RELL2: variants seen among roughly 807,000 people sequenced by gnomAD.
The protein encoded by RELL2 is RELT like 2, also known as RELT-like protein 2.
In RELL2, 18 loss-of-function variants were observed where a neutral mutation model predicts 27.5. The ratio of observed to expected loss-of-function variants is 0.65; its 90% confidence interval spans 0.45 to 0.97. RELL2 has a LOEUF of 0.97. RELL2 is among the 50% of genes least tolerant of loss of function. RELL2 has a pLI of 0.00. For synonymous variants in RELL2, 156 were observed against 147.5 expected, an observed-to-expected ratio of 1.06 and a Z score of -0.42; for missense variants, 370 against 397.5, an observed-to-expected ratio of 0.93 and a Z score of 0.59.
rs1261782704 is a variant in RELL2, at chr5:141,640,807, C to T, written c.*138C>T. 8 of 823,526 alleles carry T rather than the reference C, an allele frequency of 9.7e-6. No homozygotes were observed. The highest frequency in any genetic ancestry group is 8.0e-5 in the East Asian group (3 of 37,420). 51.0% of individuals were successfully genotyped at this position (823,526 alleles called of 1,614,324 possible). A position where few individuals can be genotyped will look rare whatever the true frequency, so the allele number is the denominator to read the frequency against. The stretch of plus-strand genomic sequence containing the variant: ...ACTTCCACCTGGAGTTGCACAGTCT[C>T]AGGCTGGGGGCCTCAGGAGAGGTCA... On this transcript the variant is annotated 3_prime_UTR_variant, in exon 7 of 7. Transcript: ENST00000297164.
rs773444868 is a variant in RELL2, at chr5:141,640,687, G to T, written c.*18G>T. The T allele has an allele frequency of 6.5e-7, 1 of 1,535,302 alleles. No individual in the cohort carries two copies. Among genetic ancestry groups the T allele is most frequent in the South Asian group, 1.2e-5 (1 of 83,876 alleles). On this transcript the variant is annotated 3_prime_UTR_variant, in exon 7 of 7. Transcript: ENST00000297164. ...TTCTCCAAGTCTCCTTCATTGTGCT[G>T]ATGGACTACCAGCTGGCAGGGCCAG...
chr5:141,640,061 G>T lies in RELL2; in HGVS notation c.645G>T (p.Gly215=). ...QGSGGGQPKA[G]MPAMERLPPE... is the part of the protein sequence containing the mutation. ...CTGGGGGAGGGCAGCCCAAGGCAGG[G>T]ATGCCTGCCATGGAGAGGCTGCCCC... Residue 215 remains glycine (G), a synonymous_variant, in exon 5 of 7, where the codon GGG becomes GGT. Transcript: ENST00000297164. The T allele has an allele frequency of 6.2e-7, 1 of 1,613,418 alleles. No homozygotes were observed. The highest frequency in any genetic ancestry group is 1.1e-5 in the South Asian group (1 of 91,080).
At position 141,640,895 on chromosome 5, in the gene RELL2, C is replaced by T; in HGVS notation, c.*226C>T. 6.9e-6 allele frequency: 4 copies of T among 583,242 alleles called. No individual in the cohort carries two copies. The South Asian group carries it at 8.8e-5, about 13-fold the overall frequency. The allele number at this position is 583,242 out of a possible 1,614,324, so 36.1% of individuals were successfully genotyped here. On this transcript the variant is annotated 3_prime_UTR_variant, in exon 7 of 7. Transcript: ENST00000297164. ...AGGCTGCCTGCCCCGCCTTCCCCAACACCTCGCTCCATATGATAGAGCGTG... is the reference window on the plus strand; with the variant it reads ...AGGCTGCCTGCCCCGCCTTCCCCAATACCTCGCTCCATATGATAGAGCGTG...
rs78047479 is a variant in RELL2, at chr5:141,640,726, G to A, written c.*57G>A. ...TGGCAGGGCCAGGGGGTGGGTGGGC[G>A]TGAAAGCCCTCCCCTCCACTGGACA... On this transcript the variant is annotated 3_prime_UTR_variant, in exon 7 of 7. Coordinates refer to ENST00000297164, the MANE Select transcript of RELL2 (RefSeq NM_173828.5). The A allele has an allele frequency of 1.2e-3, 1,750 of 1,493,010 alleles. 19 individuals are homozygous for A. The African/African-American group carries it at 0.021, about 18-fold the overall frequency. 92.5% of individuals were successfully genotyped at this position (1,493,010 alleles called of 1,614,324 possible).
Position 141,639,453 on chromosome 5 carries a change from C to T in RELL2, c.318-11C>T. The T allele has an allele frequency of 5.0e-6, 8 of 1,600,510 alleles. No individual in the cohort carries two copies. The highest frequency in any genetic ancestry group is 6.8e-6 in the Non-Finnish European group (8 of 1,171,284). ...AATGTTACCCTCACTCCCCTCCTCC[C>T]TGCTGTCCAGTGTGGATGCCACCTC... On this transcript the variant is annotated splice_polypyrimidine_tract_variant and intron_variant, in intron 3 of 6. Coordinates refer to ENST00000297164, the MANE Select transcript of RELL2 (RefSeq NM_173828.5). This position sits in a 1 kb window ranked among gnomAD's most constrained non-coding sequence, Gnocchi z 4.4.
chr5:141,640,028 T>A lies in RELL2; in HGVS notation c.612T>A (p.Gly204=). 6.2e-7 allele frequency: 1 copy of A among 1,613,174 alleles called. No homozygotes were observed. The highest frequency in any genetic ancestry group is 8.5e-7 in the Non-Finnish European group (1 of 1,179,770). ...GSGGGQDPGG[G]QGSGGGQPKA... ...GTGGGGGACAGGACCCAGGGGGTGG[T>A]CAGGGGTCTGGGGGAGGGCAGCCCA... Residue 204 remains glycine (G), a synonymous_variant, in exon 5 of 7, where the codon GGT becomes GGA. Coordinates refer to ENST00000297164, the MANE Select transcript of RELL2 (RefSeq NM_173828.5).
rs371844135 is a variant in RELL2, at chr5:141,638,746, C to G, written c.185-49C>G. ...ATGGGAGCCACCAGGTAATATTCCC[C>G]CAAAGCTGACTCATTCCTGCTTCCT... is the stretch of plus-strand genomic sequence containing the variant. On this transcript the variant is annotated intron_variant, in intron 1 of 6. Transcript: ENST00000297164. The G allele has an allele frequency of 2.2e-5, 33 of 1,522,026 alleles. 1 individual carries two copies. The African/African-American group carries it at 4.1e-4, about 19-fold the overall frequency. The allele number at this position is 1,522,026 out of a possible 1,614,324, so 94.3% of individuals were successfully genotyped here.
rs2099906411 is a variant in RELL2, at chr5:141,638,417, A to T, written c.184+8A>T. ...ATGCCCAGCTTCAGCCCCGTGAGTG[A>T]GGAGCCTGGAACCCTGGCTCAGTCA... On this transcript the variant is annotated splice_region_variant and intron_variant, in intron 1 of 6. Transcript: ENST00000297164. 1 of 1,604,042 alleles carries T rather than the reference A, an allele frequency of 6.2e-7. No homozygotes were observed. The highest frequency in any genetic ancestry group is 1.1e-5 in the South Asian group (1 of 90,468).
rs1256916581 is a variant in RELL2 at position 141,639,713 on chromosome 5, C to T, written c.503+64C>T. 4.0e-6 allele frequency: 6 copies of T among 1,486,978 alleles called. No individual in the cohort carries two copies. In the Admixed American group the frequency reaches 1.0e-4, roughly 25 times the overall value. 92.1% of individuals were successfully genotyped at this position (1,486,978 alleles called of 1,614,324 possible). ...GGGGCCCAGTGATCAGGCACCTGAT[C>T]CCAAAAGTGGGCCTTGGCTCTTTCC... On this transcript the variant is annotated intron_variant, in intron 4 of 6. Transcript: ENST00000297164. The surrounding 1 kb of genome is among the most constrained non-coding windows in gnomAD (Gnocchi z 4.4).
Position 141,640,165 on chromosome 5 carries a change from G to C in RELL2, c.749G>C (p.Arg250Pro). The change falls in exon 5 of 7, where the codon CGT becomes CCT. Residue 250 changes from arginine (R) to proline (P), a missense_variant. Transcript: ENST00000297164. ...GGLRDSSLTP[R>P]ALEGNPRASA... ...CTCAGGGACAGCAGCCTAACCCCTC[G>C]TGCACTTGAAGGGAACCCCAGAGCT... 1 of 1,614,124 alleles carries C rather than the reference G, an allele frequency of 6.2e-7. No homozygotes were observed. Among genetic ancestry groups the C allele is most frequent in the Non-Finnish European group, 8.5e-7 (1 of 1,179,988 alleles).
chr5:141,640,451 T>C lies in RELL2; in HGVS notation c.*1+6T>C. The C allele has an allele frequency of 1.9e-6, 3 of 1,614,082 alleles. No individual in the cohort carries two copies. Among genetic ancestry groups the C allele is most frequent in the Middle Eastern group, 1.6e-4 (1 of 6,062 alleles). ...GGGAGCAGGGAGTATGTGAGGTGAGTCTGCCTGAGCCCTAAATGAGGTAAT... is the reference window on the plus strand; with the variant it reads ...GGGAGCAGGGAGTATGTGAGGTGAGCCTGCCTGAGCCCTAAATGAGGTAAT... On this transcript the variant is annotated splice_donor_region_variant and intron_variant, in intron 6 of 6. Transcript: ENST00000297164.
chr5:141,640,216 G>C lies in RELL2; in HGVS notation c.800G>C (p.Gly267Ala). The stretch of plus-strand genomic sequence containing the variant: ...TCTGCAGAGCCAACACTGAGGGCCG[G>C]AGGGAGGGGCCCAAGCCCAGGGCTG... ...RASAEPTLRA[G>A]GRGPSPGLPT... is the part of the protein sequence containing the mutation. Residue 267 changes from glycine to alanine, a missense_variant, in exon 5 of 7, where the codon GGA (glycine) becomes GCA (alanine). Gly to Ala is a moderately conservative substitution (Grantham distance 60, BLOSUM62 0). Coordinates refer to ENST00000297164, the MANE Select transcript of RELL2 (RefSeq NM_173828.5). 1 of 1,614,192 alleles carries C rather than the reference G, an allele frequency of 6.2e-7. No homozygotes were observed. Among genetic ancestry groups the C allele is most frequent in the Non-Finnish European group, 8.5e-7 (1 of 1,180,012 alleles).
chr5:141,640,310 C>G lies in RELL2; in HGVS notation c.879+15C>G. ...CTGATCACCAGGTAGGAAAACACAG[C>G]CGGGACTGCACTGGGCTGGGCTCTT... On this transcript the variant is annotated intron_variant, in intron 5 of 6. Coordinates refer to ENST00000297164, the MANE Select transcript of RELL2 (RefSeq NM_173828.5). 6.2e-7 allele frequency: 1 copy of G among 1,613,652 alleles called. No homozygotes were observed. Among genetic ancestry groups the G allele is most frequent in the Non-Finnish European group, 8.5e-7 (1 of 1,179,728 alleles).
chr5:141,639,529 C>G lies in RELL2; in HGVS notation c.383C>G (p.Ser128Cys). The change falls in exon 4 of 7, where the codon TCT becomes TGT. Residue 128 changes from serine (S) to cysteine (C), a missense_variant. Coordinates refer to ENST00000297164, the MANE Select transcript of RELL2 (RefSeq NM_173828.5). The surrounding 1 kb of genome is among the most constrained non-coding windows in gnomAD (Gnocchi z 4.4). ...CATCATCACACAGTGCACCTGGGCT[C>G]TGCAGCCCCTTGCCTCCATTGCAGC... ...PSHHHTVHLGSAAPCLHCSRS... is the reference protein window; with the variant it reads ...PSHHHTVHLGCAAPCLHCSRS... The G allele has an allele frequency of 1.2e-6, 2 of 1,613,974 alleles. No individual in the cohort carries two copies. The highest frequency in any genetic ancestry group is 2.2e-5 in the South Asian group (2 of 91,082).
At position 141,640,757 on chromosome 5, in the gene RELL2, GC is replaced by G; in HGVS notation, c.*94del. ...GCCCTCCCCTCCACTGGACAGCACTGCCCCCCAGCTGAGGGACCAGCTCTAC... is the reference window on the plus strand; with the variant it reads ...GCCCTCCCCTCCACTGGACAGCACTGCCCCCAGCTGAGGGACCAGCTCTAC... On this transcript the variant is annotated 3_prime_UTR_variant, in exon 7 of 7. Transcript: ENST00000297164. 4.6e-6 allele frequency: 6 copies of G among 1,294,244 alleles called. No individual in the cohort carries two copies. Among genetic ancestry groups the G allele is most frequent in the South Asian group, 1.4e-5 (1 of 72,670 alleles). The allele number at this position is 1,294,244 out of a possible 1,614,324, so 80.2% of individuals were successfully genotyped here.
chr5:141,640,475 A>T (rs1456238226), intron 6 of RELL2, 30 bp downstream of exon 6: 1 of 1,614,024 alleles, frequency 6.2e-7, no homozygotes, highest in African/African-American at 1.3e-5. Context: ...AAATGAGGTA[A>T]TCTCATCTTC....
intron 1 of RELL2, 81 bp from the exon 2 acceptor site, chr5:141,638,714 A>G: frequency 8.2e-7 from 1 of 1,226,422 alleles, no homozygotes; most frequent in Non-Finnish European, 1.2e-6. Flanking sequence ...GTCCTAAGCA[A>G]TAAATGATGG....
At position 141,637,919 on chromosome 5, in the gene RELL2, C is replaced by T; in HGVS notation, c.-307C>T. On this transcript the variant is annotated 5_prime_UTR_variant, in exon 1 of 7. It introduces an in-frame stop codon into an upstream open reading frame of the 5' UTR. Coordinates refer to ENST00000297164, the MANE Select transcript of RELL2 (RefSeq NM_173828.5). ...AAGAATGCCGTCCCATCTCGTGCTGCAGTGTCCTTGGGAGGGACAGAAGCG... is the reference window on the plus strand; with the variant it reads ...AAGAATGCCGTCCCATCTCGTGCTGTAGTGTCCTTGGGAGGGACAGAAGCG... 6.5e-6 allele frequency: 2 copies of T among 307,072 alleles called. No homozygotes were observed. Among genetic ancestry groups the T allele is most frequent in the South Asian group, 5.2e-5 (1 of 19,054 alleles). The allele number at this position is 307,072 out of a possible 1,614,324, so 19.0% of individuals were successfully genotyped here.
rs2099906654 is a variant in RELL2, at chr5:141,640,036, C to T, written c.620C>T (p.Ser207Phe). 1 of 1,613,368 alleles carries T rather than the reference C, an allele frequency of 6.2e-7. No homozygotes were observed. The highest frequency in any genetic ancestry group is 8.5e-7 in the Non-Finnish European group (1 of 1,179,794). ...CAGGACCCAGGGGGTGGTCAGGGGT[C>T]TGGGGGAGGGCAGCCCAAGGCAGGG... Reference protein sequence around the residue: ...GGQDPGGGQGSGGGQPKAGMP... With the variant: ...GGQDPGGGQGFGGGQPKAGMP... Residue 207 changes from serine (S) to phenylalanine (F), a missense_variant, in exon 5 of 7, where the codon TCT becomes TTT. Ser to Phe is a radical substitution (Grantham distance 155, BLOSUM62 -2). Coordinates refer to ENST00000297164, the MANE Select transcript of RELL2 (RefSeq NM_173828.5).
Sources: allele counts gnomAD v4.1 joint callset, GRCh38; gene constraint gnomAD v4.1.1; non-coding constraint Gnocchi (gnomAD v3.1); transcripts MANE v1.5; gene names NCBI Gene and HGNC (gene_info 2026-07-23, HGNC 2026-07-21).